Variants in SCP2 observed in about 807,000 individuals in gnomAD.
SCP2 encodes SCP-2/3-oxoacyl-CoA thiolase.
In SCP2, 48 loss-of-function variants were observed where a neutral mutation model predicts 71.4. The ratio of observed to expected loss-of-function variants is 0.67; its 90% CI spans 0.53 to 0.86. SCP2 has a LOEUF of 0.86. Ranked by LOEUF, SCP2 falls within the 40% of genes least tolerant of loss-of-function variation. The pLI is 0.00. For missense variants in SCP2, 560 were observed against 655.6 expected, an observed-to-expected ratio of 0.85 and a Z score of 1.59; for synonymous variants, 220 against 218.1, an observed-to-expected ratio of 1.01 and a Z score of -0.08.
chr1:53,027,645 C>T (rs1253782836), intron 12 of SCP2, among the ~76,000 whole-genome samples: 3 of 152,122 alleles, frequency 2.0e-5, no homozygotes, highest in Non-Finnish European at 4.4e-5. Context: ...GCTGGGATTA[C>T]AGGCATGCGC....
At chr1:52,936,253 C>A (rs1261223296) in intron 1 of SCP2, among the ~76,000 whole-genome samples, 1 of 152,094 alleles carries the variant, frequency 6.6e-6, no homozygotes, top group African/African-American at 2.4e-5. Context: ...GTTTTAAGTT[C>A]TATTATGATA....
intron 8 of SCP2, 123 bp downstream of exon 8, chr1:52,976,892 C>T (rs879595966): frequency 1.3e-5 from 9 of 671,624 alleles, no homozygotes; most frequent in Admixed American, 2.3e-5. Flanking sequence ...CTCCCAGTGC[C>T]GTCCCCACTC....
chr1:52,993,139 A>G, intron 11 of SCP2: 1 of 1,547,926 alleles, frequency 6.5e-7, no homozygotes, highest in Non-Finnish European at 8.9e-7. Flanking sequence ...TAAACTGAGG[A>G]GAGGAAGAGA....
intron 11 of SCP2, among the ~76,000 whole-genome samples, chr1:53,008,201 C>T (rs963328498): frequency 6.6e-6 from 1 of 152,150 alleles, no homozygotes; most frequent in African/African-American, 2.4e-5. Flanking sequence ...ACCAGAGGCA[C>T]AAAGAGGAGC....
At chr1:52,996,502 C>T (rs1200118831) in intron 11 of SCP2, among the ~76,000 whole-genome samples, 1 of 152,158 alleles carries the variant, frequency 6.6e-6, no homozygotes, top group Non-Finnish European at 1.5e-5. Flanking sequence ...CTATTAAAGT[C>T]ATAATTTCCA....
chr1:52,932,318 A>T (rs1653232291), intron 1 of SCP2, among the ~76,000 whole-genome samples: 1 of 152,226 alleles, frequency 6.6e-6, no homozygotes, highest in Non-Finnish European at 1.5e-5. Context: ...GCTACAAATG[A>T]CAGAATAATG....
chr1:52,960,732 G>C (rs1276201012), intron 5 of SCP2, among the ~76,000 whole-genome samples: 1 of 151,058 alleles, frequency 6.6e-6, no homozygotes. Flanking sequence ...GTGTGTGTGT[G>C]TGTGTGTGTG....
intron 13 of SCP2, 120 bp from the exon 14 acceptor site, chr1:53,038,797 C>A: frequency 7.9e-7 from 1 of 1,260,196 alleles, no homozygotes; most frequent in Non-Finnish European, 1.2e-6. Flanking sequence ...CATAAGGGAC[C>A]TTGGGGACCG....
chr1:52,958,744 G>A (rs1437566794), intron 5 of SCP2, among the ~76,000 whole-genome samples: 5 of 151,806 alleles, frequency 3.3e-5, no homozygotes, highest in African/African-American at 9.7e-5. Context: ...TTTAAGTGAC[G>A]GGTTCTCCCT....
intron 14 of SCP2, among the ~76,000 whole-genome samples, chr1:53,041,079 GA>G (rs1663392823): frequency 1.3e-5 from 2 of 152,098 alleles, no homozygotes; most frequent in Admixed American, 1.3e-4. Flanking sequence ...AAACACTGTG[GA>G]TTGGGACCAG....
chr1:53,028,563 TA>T (rs1009850709), intron 13 of SCP2, among the ~76,000 whole-genome samples: 6 of 146,136 alleles, frequency 4.1e-5, no homozygotes, highest in Non-Finnish European at 7.4e-5. Context: ...GATGTTAATT[TA>T]AAAAATACTA....
intron 2 of SCP2, among the ~76,000 whole-genome samples, chr1:52,944,565 G>A (rs1289257262): frequency 6.6e-6 from 1 of 152,008 alleles, no homozygotes; most frequent in African/African-American, 2.4e-5. Flanking sequence ...TCTTTGAAGT[G>A]GGAGATGCTT....
At chr1:53,013,405 G>A (rs1302729372) in intron 11 of SCP2, among the ~76,000 whole-genome samples, 4 of 137,408 alleles carry the variant, frequency 2.9e-5, no homozygotes, top group African/African-American at 1.1e-4. Context: ...CGAATATAGT[G>A]AAACCCCGTC....
chr1:52,935,221 G>A (rs968821642), intron 1 of SCP2, among the ~76,000 whole-genome samples: 1 of 151,300 alleles, frequency 6.6e-6, no homozygotes, highest in African/African-American at 2.4e-5. Flanking sequence ...AGCCGAGATC[G>A]CCCCATTGCA....
chr1:52,953,350 C>T (rs1026948462), intron 4 of SCP2, among the ~76,000 whole-genome samples: 11 of 151,994 alleles, frequency 7.2e-5, no homozygotes, highest in African/African-American at 2.4e-4. Flanking sequence ...TTCCTCTTTT[C>T]TTTTTTTAGA....
chr1:52,977,660 T>C (rs1658099071), intron 8 of SCP2, among the ~76,000 whole-genome samples: 1 of 152,218 alleles, frequency 6.6e-6, no homozygotes, highest in Admixed American at 6.5e-5. Context: ...GGTAATTCTT[T>C]GCAATAAGAA....
At chr1:52,954,158 A>T (rs916459138) in intron 4 of SCP2, among the ~76,000 whole-genome samples, 1 of 151,462 alleles carries the variant, frequency 6.6e-6, no homozygotes, top group Non-Finnish European at 1.5e-5. Flanking sequence ...AAAATAAAAA[A>T]ATTAGCTGAA....
intron 11 of SCP2, among the ~76,000 whole-genome samples, chr1:53,002,186 CA>C (rs57702073): frequency 0.013 from 983 of 76,082 alleles, 12 homozygotes; most frequent in African/African-American, 0.037. Context: ...GACTCCGTCT[CA>C]AAAAAAAAAA....
chr1:53,037,913 C>CAGATCCAGATCCTGTCTCTATAG (rs1557627641), intron 13 of SCP2, among the ~76,000 whole-genome samples: 1 of 126,270 alleles, frequency 7.9e-6, no homozygotes. Flanking sequence ...CACACACACA[C>CAGATCCAGATCCTGTCTCTATAG]ACACACACAC....
Sources: gnomAD v4.1 joint callset for allele counts (sites outside exome capture counted in the v4.1 genomes callset) on GRCh38, gnomAD v4.1.1 for gene constraint, MANE v1.5 for transcripts, NCBI Gene and HGNC (gene_info 2026-07-23, HGNC 2026-07-21) for gene names.